The following ITIH2 variants were observed in gnomAD, a reference collection of about 807,000 sequenced individuals.
ITIH2 encodes inter-alpha-trypsin inhibitor heavy chain 2.
ITIH2 carries 103 observed loss-of-function variants against 104.4 expected under a neutral mutation model. The ratio of observed to expected loss-of-function variants is 0.99; its 90% CI spans 0.84 to 1.16. The LOEUF is 1.16. ITIH2 is among the 50% of genes most tolerant of loss of function. The pLI, the probability that ITIH2 is intolerant of heterozygous loss-of-function variation, is 0.00. For missense variants in ITIH2, 1,108 were observed against 1,162.4 expected, an observed-to-expected ratio of 0.95 and a Z score of 0.68; for synonymous variants, 436 against 435.4, an observed-to-expected ratio of 1.00 and a Z score of -0.02.
intron 4 of ITIH2, 140 bp downstream of exon 4, chr10:7,709,331 C>A: frequency 1.4e-6 from 1 of 701,270 alleles, no homozygotes; most frequent in East Asian, 2.7e-5. Flanking sequence ...AGGTTGGTCC[C>A]AATAATTTTC....
At chr10:7,727,596 T>TA in intron 10 of ITIH2, 107 bp from the exon 11 acceptor site, 2 of 1,316,638 alleles carry the variant, frequency 1.5e-6, no homozygotes, top group South Asian at 2.7e-5. Context: ...TGGCATGGAA[T>TA]AAGTGATGGA....
At chr10:7,726,650 A>G (rs1564302468) in intron 9 of ITIH2, among the ~76,000 whole-genome samples, 1 of 152,166 alleles carries the variant, frequency 6.6e-6, no homozygotes, top group Non-Finnish European at 1.5e-5. Context: ...TGAGAAATGT[A>G]TTTTATTTTC....
intron 4 of ITIH2, among the ~76,000 whole-genome samples, chr10:7,712,683 C>G (rs1179601865): frequency 6.6e-6 from 1 of 152,192 alleles, no homozygotes; most frequent in East Asian, 1.9e-4. Flanking sequence ...TCAAGCCACA[C>G]TATCCAATCA....
At chr10:7,716,784 A>G (rs1834854064) in intron 5 of ITIH2, among the ~76,000 whole-genome samples, 1 of 151,830 alleles carries the variant, frequency 6.6e-6, no homozygotes, top group Admixed American at 6.6e-5. Flanking sequence ...GAGCAATAAT[A>G]AAGTTTTTCT....
At chr10:7,724,565 C>A (rs1834934683) in intron 9 of ITIH2, among the ~76,000 whole-genome samples, 1 of 9,264 alleles carries the variant, frequency 1.1e-4, no homozygotes. Flanking sequence ...AGCGAAACTC[C>A]ATCTCAAAAA....
chr10:7,718,404 G>A (rs1887332), intron 6 of ITIH2, among the ~76,000 whole-genome samples: 16,251 of 152,160 alleles, frequency 0.11, 950 homozygotes, highest in Admixed American at 0.18. Flanking sequence ...GAGGTTGGGC[G>A]CATCTTTAGG....
At chr10:7,745,050 A>G (rs376742943) in intron 19 of ITIH2, 87 bp downstream of exon 19, 1 of 1,216,642 alleles carries the variant, frequency 8.2e-7, no homozygotes. Context: ...AGTTGAGGAC[A>G]TGGCAGGTGT....
At chr10:7,748,766 G>C (rs1407191361) in intron 20 of ITIH2, among the ~76,000 whole-genome samples, 1 of 151,296 alleles carries the variant, frequency 6.6e-6, no homozygotes, top group Non-Finnish European at 1.5e-5. Context: ...GGCTGGTCTT[G>C]AACTCCTGGC....
Position 7,727,846 on chromosome 10 carries a change from C to A in ITIH2, c.1279+18C>A. ...AACAGTGGGCAAGTGTCACTTCAAC[C>A]TTCTCACGACAAACACTTTCACTGT... On this transcript the variant is annotated intron_variant, in intron 11 of 20. Transcript: ENST00000358415. 2.5e-6 allele frequency: 4 copies of A among 1,613,682 alleles called. No homozygotes were observed. Among genetic ancestry groups the A allele is most frequent in the Non-Finnish European group, 3.4e-6 (4 of 1,179,680 alleles).
chr10:7,710,533 T>C (rs1180062882), intron 4 of ITIH2, among the ~76,000 whole-genome samples: 1 of 152,224 alleles, frequency 6.6e-6, no homozygotes, highest in Non-Finnish European at 1.5e-5. Context: ...GGCTATTTTT[T>C]TTTTATGAAG....
intron 16 of ITIH2, among the ~76,000 whole-genome samples, chr10:7,741,244 T>TCTCGG (rs1427491037): frequency 6.7e-6 from 1 of 149,224 alleles, no homozygotes; most frequent in African/African-American, 2.5e-5. Flanking sequence ...AATGGCTCGA[T>TCTCGG]CTCGGCTCAC....
chr10:7,717,567 C>G, intron 5 of ITIH2, 59 bp from the exon 6 acceptor site: 1 of 1,529,436 alleles, frequency 6.5e-7, no homozygotes, highest in Non-Finnish European at 9.0e-7. Context: ...TGCCTAGATT[C>G]TGGGTCTTGC....
intron 9 of ITIH2, among the ~76,000 whole-genome samples, 179 bp from the exon 10 acceptor site, chr10:7,726,771 T>A (rs72781047): frequency 5.0e-4 from 76 of 152,342 alleles, no homozygotes; most frequent in Non-Finnish European, 9.8e-4. Context: ...CAACAGTACA[T>A]GCCCAGAATA....
chr10:7,712,358 G>C (rs770485402), intron 4 of ITIH2, among the ~76,000 whole-genome samples: 2 of 152,150 alleles, frequency 1.3e-5, no homozygotes, highest in East Asian at 1.9e-4. Flanking sequence ...CCCTCTCCAA[G>C]GCCCCACCTC....
intron 5 of ITIH2, among the ~76,000 whole-genome samples, chr10:7,714,011 C>A (rs1429509651): frequency 4.6e-5 from 7 of 151,960 alleles, no homozygotes; most frequent in African/African-American, 1.5e-4. Context: ...TCTTAAGCAT[C>A]AGTTACTTCA....
intron 3 of ITIH2, among the ~76,000 whole-genome samples, chr10:7,708,583 C>T (rs577595843): frequency 6.6e-6 from 1 of 152,012 alleles, no homozygotes; most frequent in Non-Finnish European, 1.5e-5. Flanking sequence ...GTGTTTCCAC[C>T]CCACAGCACC....
intron 7 of ITIH2, 25 bp from the exon 8 acceptor site, chr10:7,721,624 G>T (rs1438090588): frequency 1.1e-5 from 17 of 1,609,006 alleles, no homozygotes; most frequent in Middle Eastern, 1.7e-4. Context: ...AGAGGCAGAG[G>T]CTCTGATGTC....
In ITIH2 at chr10:7,729,984, G is replaced by T; in HGVS notation, c.1312G>T (p.Val438Phe). 1.2e-6 allele frequency: 2 copies of T among 1,607,754 alleles called. No individual in the cohort carries two copies. Among genetic ancestry groups the T allele is most frequent in the South Asian group, 1.1e-5 (1 of 89,160 alleles). The change falls in exon 12 of 21, where the codon GTT (valine) becomes TTT (phenylalanine). Residue 438 changes from valine (V) to phenylalanine (F), a missense_variant. Transcript: ENST00000358415. ...ELKLSKIQKN[V>F]KENIQDNISL... Reference sequence around the variant, plus strand: ...AAAACTGTCAAAAATTCAGAAAAACGTTAAGGAGAACATCCAAGACAATAT... The same window carrying T: ...AAAACTGTCAAAAATTCAGAAAAACTTTAAGGAGAACATCCAAGACAATAT...
Position 7,744,850 on chromosome 10 carries a change from C to T in ITIH2, c.2468C>T (p.Ser823Phe). ...VVTITLDKEM[S>F]FSVLLHRVWK... is the part of the protein sequence containing the mutation. Reference sequence around the variant, plus strand: ...ACTATCACCCTGGATAAAGAGATGTCCTTTTCTGTTTTACTTCATCGTGTT... The same window carrying T: ...ACTATCACCCTGGATAAAGAGATGTTCTTTTCTGTTTTACTTCATCGTGTT... Residue 823 changes from serine (S) to phenylalanine (F), a missense_variant, in exon 19 of 21, where the codon TCC becomes TTC. By Grantham distance (155) the Ser-to-Phe change is radical. Coordinates refer to ENST00000358415, the MANE Select transcript of ITIH2 (RefSeq NM_002216.3). The T allele has an allele frequency of 6.2e-7, 1 of 1,614,032 alleles. No individual in the cohort carries two copies. Among genetic ancestry groups the T allele is most frequent in the South Asian group, 1.1e-5 (1 of 91,072 alleles).
Sources: gnomAD v4.1 joint callset for allele counts (sites outside exome capture counted in the v4.1 genomes callset) on GRCh38, gnomAD v4.1.1 for gene constraint, MANE v1.5 for transcripts, NCBI Gene and HGNC (gene_info 2026-07-23, HGNC 2026-07-21) for gene names.